JAK1: variants seen among roughly 807,000 people sequenced by gnomAD.
JAK1 encodes the protein Janus kinase 1, also known as tyrosine-protein kinase JAK1.
A neutral mutation model predicts 136.6 loss-of-function variants in JAK1; 16 were observed. The observed-to-expected ratio is 0.12, with a 90% CI of 0.08 to 0.18. The LOEUF is 0.18. Ranked by LOEUF, JAK1 falls within the 10% of genes least tolerant of loss-of-function variation. The pLI is 1.00. For missense variants in JAK1, 859 were observed against 1,450.1 expected (o/e 0.59, Z 6.62); for synonymous variants, 492 against 519.5 (o/e 0.95, Z 0.72).
At chr1:65,039,139 G>C (rs1647105246) in intron 2 of JAK1, among the ~76,000 whole-genome samples, 1 of 152,186 alleles carries the variant, frequency 6.6e-6, no homozygotes, top group South Asian at 2.1e-4. Context: ...GATAGTTTGA[G>C]ATAATAGATG....
At position 64,984,812 on chromosome 1, in the gene JAK1, T is replaced by C. The variant is rs1162975080; in HGVS notation, c.-78+59668A>G. ...CGGTGAAGATAATAAAAACGTAGGCTCCTAAATAGTAAGCAGCAGAAGGGA... is the reference window on the plus strand; with the variant it reads ...CGGTGAAGATAATAAAAACGTAGGCCCCTAAATAGTAAGCAGCAGAAGGGA... On this transcript the variant is annotated intron_variant, in intron 2 of 25. Transcript: ENST00000671954. The surrounding 1 kb of genome is among the most constrained non-coding windows in gnomAD (Gnocchi z 4.1). 1 of 1,097,528 alleles carries C rather than the reference T, an allele frequency of 9.1e-7. No homozygotes were observed. The highest frequency in any genetic ancestry group is 2.0e-5 in the Admixed American group (1 of 51,018). 68.0% of individuals were successfully genotyped at this position (1,097,528 alleles called of 1,614,324 possible).
upstream of JAK1, among the ~76,000 whole-genome samples, chr1:64,971,304 A>T (rs1646449682): frequency 6.6e-6 from 1 of 152,242 alleles, no homozygotes; most frequent in African/African-American, 2.4e-5. Context: ...ATTGTAATTC[A>T]TAAGTGTATT....
rs558609528 is a variant in JAK1 at position 64,901,451 on chromosome 1, T to A, written c.-77-15110A>T. On this transcript the variant is annotated intron_variant, in intron 1 of 24. Transcript: ENST00000342505. The stretch of plus-strand genomic sequence containing the variant: ...TAATGGAACACCATGCCCTGAGATT[T>A]CCCAGTGTGCTGAGAGTTGCGTAGG... 7.2e-5 allele frequency among the ~76,000 whole-genome samples: 11 copies of A among 152,276 alleles called. No individual in the cohort carries two copies. The East Asian group carries it at 1.9e-3, about 27-fold the overall frequency.
chr1:65,067,479 T>TCGGACGTCCACACTCTGCGCCCC (rs1648113598), intron 1 of JAK1: 1 of 146,380 alleles, frequency 6.8e-6, no homozygotes, highest in Non-Finnish European at 1.5e-5. Flanking sequence ...GGGCGCGCAC[T>TCGGACGTCCACACTCTGCGCCCC]CGGACGTCCA....
chr1:64,974,396 A>G (rs2100679471), intron 2 of JAK1: 1 of 152,346 alleles, frequency 6.6e-6, no homozygotes, highest in Non-Finnish European at 1.5e-5. Flanking sequence ...ATCCCAGGCA[A>G]GTTCCTAAAT....
At chr1:64,957,893 G>A (rs1390605055) in intron 1 of JAK1, among the ~76,000 whole-genome samples, 2 of 152,042 alleles carry the variant, frequency 1.3e-5, no homozygotes, top group East Asian at 1.9e-4. Flanking sequence ...GCAGTGAGCC[G>A]AGATAGCGCC....
At chr1:64,848,783 A>G (rs1471708237) in intron 12 of JAK1, among the ~76,000 whole-genome samples, 1 of 152,212 alleles carries the variant, frequency 6.6e-6, no homozygotes, top group Non-Finnish European at 1.5e-5. Context: ...AATGCAGAAA[A>G]GGGACTGTCA....
chr1:64,886,181 C>A, intron 2 of JAK1, 78 bp downstream of exon 2: 1 of 920,750 alleles, frequency 1.1e-6, no homozygotes, highest in Non-Finnish European at 1.7e-6. Context: ...AATAGCCCTA[C>A]AGCCTCAAGA....
intron 1 of JAK1, among the ~76,000 whole-genome samples, chr1:64,931,116 C>G (rs952235577): frequency 6.6e-6 from 1 of 152,058 alleles, no homozygotes; most frequent in African/African-American, 2.4e-5. Context: ...CCTGCACGTT[C>G]TGCACATGTA....
At chr1:65,029,686 T>C (rs1183433308) in intron 2 of JAK1, among the ~76,000 whole-genome samples, 1 of 152,144 alleles carries the variant, frequency 6.6e-6, no homozygotes, top group African/African-American at 2.4e-5. Context: ...GAGGCTATTA[T>C]CCTTAACAAA....
chr1:65,024,516 G>C (rs192060184), intron 2 of JAK1, among the ~76,000 whole-genome samples: 1 of 152,080 alleles, frequency 6.6e-6, no homozygotes, highest in Admixed American at 6.5e-5. Flanking sequence ...GAGAGAGTCT[G>C]TTGTAACAGG....
chr1:64,865,056 T>C (rs1656609480), intron 7 of JAK1, 84 bp from the exon 8 acceptor site: 4 of 1,090,492 alleles, frequency 3.7e-6, no homozygotes, highest in Non-Finnish European at 5.3e-6. Context: ...GGGAAACCTA[T>C]GCAGGGCCTA....
chr1:64,917,158 G>C (rs1394231031), intron 1 of JAK1, among the ~76,000 whole-genome samples: 1 of 152,012 alleles, frequency 6.6e-6, no homozygotes, highest in Non-Finnish European at 1.5e-5. Flanking sequence ...AATAAAACAG[G>C]CTACATTCAA....
intron 11 of JAK1, among the ~76,000 whole-genome samples, chr1:64,855,241 G>C (rs373636359): frequency 2.6e-5 from 4 of 152,374 alleles, no homozygotes; most frequent in East Asian, 3.9e-4. Flanking sequence ...GAAGAAAGAA[G>C]TGATTTTCTG....
intron 19 of JAK1, 65 bp downstream of exon 19, chr1:64,841,180 G>T: frequency 8.7e-7 from 1 of 1,145,322 alleles, no homozygotes. Flanking sequence ...TGTACGTGCA[G>T]AGAGTGGCGC....
intron 1 of JAK1, among the ~76,000 whole-genome samples, chr1:64,947,326 C>T (rs1646005374): frequency 6.6e-6 from 1 of 152,224 alleles, no homozygotes; most frequent in South Asian, 2.1e-4. Flanking sequence ...GTTAACACTA[C>T]AGATCACAGT....
intron 2 of JAK1, among the ~76,000 whole-genome samples, chr1:65,042,744 C>T (rs1447448949): frequency 6.6e-6 from 1 of 152,142 alleles, no homozygotes; most frequent in Non-Finnish European, 1.5e-5. Context: ...TGTTCTTGGT[C>T]TACAGAGAAC....
chr1:64,836,335 G>A (rs1654476025), intron 22 of JAK1, 120 bp from the exon 23 acceptor site: 9 of 695,266 alleles, frequency 1.3e-5, no homozygotes, highest in Admixed American at 6.4e-5. Context: ...GCATCTGACT[G>A]TGTATTATAT....
chr1:65,052,861 C>CAAAAAAA (rs35560095), intron 1 of JAK1, among the ~76,000 whole-genome samples: 1 of 88,676 alleles, frequency 1.1e-5, no homozygotes, highest in African/African-American at 5.0e-5. Flanking sequence ...GACTCCATCT[C>CAAAAAAA]AAAAAAAAAA....
Sources: allele counts gnomAD v4.1 joint callset (sites outside exome capture counted in the v4.1 genomes callset), GRCh38; gene constraint gnomAD v4.1.1; non-coding constraint Gnocchi (gnomAD v3.1); transcripts MANE v1.5; gene names NCBI Gene and HGNC (gene_info 2026-07-23, HGNC 2026-07-21).